Variants in LRRFIP1 observed in about 807,000 individuals in gnomAD.
The protein encoded by LRRFIP1 is LRR binding FLII interacting protein 1.
A neutral mutation model predicts 104.4 loss-of-function variants in LRRFIP1; 62 were observed. The ratio of observed to expected loss-of-function variants is 0.59; its 90% CI spans 0.48 to 0.73. The LOEUF is 0.73. Among genes scored for constraint, LRRFIP1 ranks in the 30% least tolerant of loss-of-function variants. The pLI is 0.00. For synonymous variants in LRRFIP1, 300 were observed against 299.0 expected (o/e 1.00, Z -0.03); for missense variants, 796 against 824.5 (o/e 0.97, Z 0.42).
intron 1 of LRRFIP1, among the ~76,000 whole-genome samples, chr2:237,640,648 A>G (rs1477955036): frequency 6.6e-6 from 1 of 152,158 alleles, no homozygotes; most frequent in Non-Finnish European, 1.5e-5. Flanking sequence ...ATCTCCCGTA[A>G]AAGCACATTG....
At chr2:237,748,533 C>A in intron 12 of LRRFIP1, 134 bp downstream of exon 12, 2 of 756,140 alleles carry the variant, frequency 2.6e-6, no homozygotes, top group Non-Finnish European at 4.4e-6. Context: ...CCCACCTAAC[C>A]TGGTATCACC....
chr2:237,754,236 ATAT>A (rs149655840), intron 15 of LRRFIP1, among the ~76,000 whole-genome samples: 6,277 of 152,252 alleles, frequency 0.041, 427 homozygotes, highest in African/African-American at 0.14. Context: ...TAAGAAAATT[ATAT>A]TATTTTCTGC....
chr2:237,760,197 G>A lies in LRRFIP1; in HGVS notation c.1451G>A (p.Gly484Glu), dbSNP rs757584921. ...AATGCCCTCAAGTCGACAGGGGATG[G>A]GACCCTAGGTAAGTATTTGCTTTCC... is the stretch of plus-strand genomic sequence containing the variant. ...ELNALKSTGD[G>E]TLDIRLKKLV... Residue 484 changes from glycine to glutamate, a missense_variant, in exon 19 of 24, where the codon GGG (glycine) becomes GAG (glutamate). Physicochemically the swap from Gly to Glu is moderately conservative, Grantham distance 98 (BLOSUM62 -2). Coordinates refer to ENST00000308482, the MANE Select transcript of LRRFIP1 (RefSeq NM_001137550.2). 90 of 1,613,874 alleles carry A rather than the reference G, an allele frequency of 5.6e-5. No individual in the cohort carries two copies. The highest frequency in any genetic ancestry group is 3.3e-4 in the Middle Eastern group (2 of 6,082).
intron 1 of LRRFIP1, among the ~76,000 whole-genome samples, chr2:237,697,654 G>A (rs1039941801): frequency 2.0e-5 from 3 of 152,196 alleles, no homozygotes; most frequent in African/African-American, 7.2e-5. Context: ...CTTCTTCTCA[G>A]AGGAAACAAT....
At chr2:237,726,084 A>G (rs921957422) in intron 7 of LRRFIP1, among the ~76,000 whole-genome samples, 6 of 152,240 alleles carry the variant, frequency 3.9e-5, no homozygotes, top group Non-Finnish European at 7.3e-5. Context: ...TTTCATGTCA[A>G]ATAATCTTGT....
At chr2:237,659,319 C>T (rs1285117787) in intron 1 of LRRFIP1, among the ~76,000 whole-genome samples, 2 of 151,712 alleles carry the variant, frequency 1.3e-5, no homozygotes, top group African/African-American at 4.8e-5. Context: ...TTGTCTCAAA[C>T]TCCTGGCCTC....
chr2:237,668,409 C>T (rs1396875764), intron 1 of LRRFIP1, among the ~76,000 whole-genome samples: 1 of 152,140 alleles, frequency 6.6e-6, no homozygotes, highest in Non-Finnish European at 1.5e-5. Context: ...ACCATCTTCA[C>T]AAAAGGAGAA....
intron 1 of LRRFIP1, among the ~76,000 whole-genome samples, chr2:237,699,805 C>G (rs1226659763): frequency 6.6e-6 from 1 of 152,188 alleles, no homozygotes; most frequent in Admixed American, 6.5e-5. Flanking sequence ...CCCAGTCCCC[C>G]CAACATTTCC....
chr2:237,759,943 T>G, intron 18 of LRRFIP1, 121 bp from the exon 19 acceptor site: 1 of 820,002 alleles, frequency 1.2e-6, no homozygotes. Flanking sequence ...ATTTCTCTTG[T>G]CTCTGTGGAG....
At position 237,627,667 on chromosome 2, in the gene LRRFIP1, CG is replaced by C; in HGVS notation, c.27del (p.Arg10AlafsTer43). Reference protein sequence around the residue: MDMGTQGSGRKRLPNRER... With the variant: MDMGTQGXGRKRLPNRER... Reference sequence around the variant, plus strand: ...TCGATGGACATGGGCACCCAGGGATCGGGGCGCAAGCGGCTCCCCAACCGGG... The same window carrying C: ...TCGATGGACATGGGCACCCAGGGATCGGGCGCAAGCGGCTCCCCAACCGGG... On this transcript the variant is annotated frameshift_variant, in exon 1 of 24. Transcript: ENST00000308482. LOFTEE classifies it high-confidence loss of function. The C allele has an allele frequency of 1.5e-6, 2 of 1,363,112 alleles. No individual in the cohort carries two copies. Among genetic ancestry groups the C allele is most frequent in the East Asian group, 3.4e-5 (1 of 29,262 alleles). The allele number at this position is 1,363,112 out of a possible 1,614,324, so 84.4% of individuals were successfully genotyped here.
intron 8 of LRRFIP1, among the ~76,000 whole-genome samples, chr2:237,728,510 C>T (rs529522989): frequency 1.9e-5 from 2 of 107,866 alleles, no homozygotes; most frequent in South Asian, 5.5e-4. Context: ...GTGCCAGTGG[C>T]AGGGGCATTA....
At chr2:237,690,919 C>G (rs897439525) in intron 1 of LRRFIP1, among the ~76,000 whole-genome samples, 1 of 151,926 alleles carries the variant, frequency 6.6e-6, no homozygotes, top group Admixed American at 6.5e-5. Context: ...AACGTTTCTT[C>G]CCCAGCGGTT....
At chr2:237,730,139 AG>A (rs1575930941) in intron 8 of LRRFIP1, among the ~76,000 whole-genome samples, 1 of 152,232 alleles carries the variant, frequency 6.6e-6, no homozygotes, top group African/African-American at 2.4e-5. Context: ...ATTAATCAAA[AG>A]GAAAAAAATA....
chr2:237,760,540 T>C (rs1030060745), intron 19 of LRRFIP1, among the ~76,000 whole-genome samples: 1 of 152,266 alleles, frequency 6.6e-6, no homozygotes, highest in Non-Finnish European at 1.5e-5. Context: ...CTCAGACACA[T>C]ATATATCTGT....
At chr2:237,738,847 C>G (rs1207221765) in intron 10 of LRRFIP1, among the ~76,000 whole-genome samples, 1 of 152,232 alleles carries the variant, frequency 6.6e-6, no homozygotes. Flanking sequence ...AAGCGCCAAG[C>G]GCCCTGTGCA....
chr2:237,671,222 T>A (rs2090292195), intron 1 of LRRFIP1, among the ~76,000 whole-genome samples: 1 of 152,206 alleles, frequency 6.6e-6, no homozygotes, highest in Admixed American at 6.5e-5. Context: ...TAACCTGCAC[T>A]ACACACATAT....
chr2:237,637,424 C>T (rs1356578786), intron 1 of LRRFIP1, among the ~76,000 whole-genome samples: 1 of 152,216 alleles, frequency 6.6e-6, no homozygotes, highest in Non-Finnish European at 1.5e-5. Flanking sequence ...GCCAAGATCA[C>T]ACCACTGCAC....
Position 237,749,406 on chromosome 2 carries a change from T to A in LRRFIP1, c.795+82T>A, listed in dbSNP as rs2058296901. On this transcript the variant is annotated intron_variant, in intron 13 of 23. Transcript: ENST00000308482. ...TTAGATTAAAAAAAAAAAAGTTAAT[T>A]CATAAAGTTCTGGATCTTTCTTCTT... is the stretch of plus-strand genomic sequence containing the variant. 4 of 1,465,550 alleles carry A rather than the reference T, an allele frequency of 2.7e-6. No individual in the cohort carries two copies. The East Asian group carries it at 9.7e-5, about 36-fold the overall frequency. 90.8% of individuals were successfully genotyped at this position (1,465,550 alleles called of 1,614,324 possible).
chr2:237,773,158 A>G (rs1227053831), intron 22 of LRRFIP1, among the ~76,000 whole-genome samples: 1 of 152,242 alleles, frequency 6.6e-6, no homozygotes, highest in Admixed American at 6.5e-5. Context: ...GTTACAGTAG[A>G]TACTAATCCT....
Sources: allele counts gnomAD v4.1 joint callset (sites outside exome capture counted in the v4.1 genomes callset), GRCh38; gene constraint gnomAD v4.1.1; transcripts MANE v1.5; gene names NCBI Gene and HGNC (gene_info 2026-07-23, HGNC 2026-07-21).